Variants in KLHL1 observed in about 807,000 individuals in gnomAD.
KLHL1 encodes kelch like family member 1, also known as kelch-like protein 1.
Under a neutral mutation model 77.7 loss-of-function variants are expected in KLHL1, and 47 were observed. The observed-to-expected ratio is 0.60, with a 90% CI of 0.48 to 0.77. The LOEUF (loss-of-function observed/expected upper bound fraction) is 0.77. Ranked by LOEUF, KLHL1 falls within the 30% of genes least tolerant of loss-of-function variation. The pLI is 0.00. For synonymous variants in KLHL1, 360 were observed against 325.2 expected, an observed-to-expected ratio of 1.11 and a Z score of -1.15; for missense variants, 925 against 910.8, an observed-to-expected ratio of 1.02 and a Z score of -0.20.
intron 4 of KLHL1, among the ~76,000 whole-genome samples, chr13:69,935,276 G>C (rs1883150322): frequency 3.3e-5 from 5 of 151,502 alleles, no homozygotes; most frequent in African/African-American, 1.2e-4. Context: ...TGGTGAACTT[G>C]GTACATAGCA....
chr13:69,768,208 T>C (rs1170975590), intron 7 of KLHL1, among the ~76,000 whole-genome samples: 1 of 152,168 alleles, frequency 6.6e-6, no homozygotes, highest in African/African-American at 2.4e-5. Flanking sequence ...GCAACCATGG[T>C]TTGATAATTT....
chr13:70,054,112 C>T (rs2137395671), intron 1 of KLHL1, among the ~76,000 whole-genome samples: 1 of 152,180 alleles, frequency 6.6e-6, no homozygotes, highest in Admixed American at 6.6e-5. Context: ...AAGAAAAAGC[C>T]AGGGAAGAAA....
chr13:70,106,253 T>G (rs1050566879), intron 1 of KLHL1, among the ~76,000 whole-genome samples: 2 of 152,126 alleles, frequency 1.3e-5, no homozygotes, highest in Admixed American at 1.3e-4. Context: ...ACATTATCAT[T>G]TTCCTATATT....
At chr13:69,750,164 A>C (rs917208371) in intron 7 of KLHL1, among the ~76,000 whole-genome samples, 11 of 151,640 alleles carry the variant, frequency 7.3e-5, no homozygotes, top group Non-Finnish European at 1.3e-4. Flanking sequence ...TATCTAAGTC[A>C]CCAGTGGCTT....
At chr13:70,099,328 TC>T (rs1047965522) in intron 1 of KLHL1, among the ~76,000 whole-genome samples, 1 of 151,722 alleles carries the variant, frequency 6.6e-6, no homozygotes, top group African/African-American at 2.4e-5. Context: ...TATTCATACT[TC>T]CCATTGTTCA....
chr13:69,861,197 T>C (rs1317390775), intron 5 of KLHL1, among the ~76,000 whole-genome samples: 1 of 152,122 alleles, frequency 6.6e-6, no homozygotes, highest in Non-Finnish European at 1.5e-5. Flanking sequence ...AATTACTTCA[T>C]GAACCAATAA....
chr13:69,965,438 T>C (rs1884184988), intron 2 of KLHL1, among the ~76,000 whole-genome samples: 1 of 152,138 alleles, frequency 6.6e-6, no homozygotes, highest in African/African-American at 2.4e-5. Context: ...GTAAGTATAG[T>C]TCTGACTGCT....
At chr13:70,056,253 A>G (rs1472111580) in intron 1 of KLHL1, among the ~76,000 whole-genome samples, 1 of 152,130 alleles carries the variant, frequency 6.6e-6, no homozygotes, top group African/African-American at 2.4e-5. Flanking sequence ...GAAGTTCATT[A>G]TAAATGATGA....
chr13:70,030,625 C>A lies in KLHL1; in HGVS notation c.498-54823G>T, dbSNP rs933965842. Among the ~76,000 whole-genome samples the A allele has an allele frequency of 3.9e-5, 6 of 152,088 alleles. 1 individual carries two copies. Among genetic ancestry groups the A allele is most frequent in the Admixed American group, 1.3e-4 (2 of 15,272 alleles). On this transcript the variant is annotated intron_variant, in intron 1 of 10. Coordinates refer to ENST00000377844, the MANE Select transcript of KLHL1 (RefSeq NM_020866.3). The stretch of plus-strand genomic sequence containing the variant: ...AGAGGGAAATTTATAGCACTAAATG[C>A]CCACAAGAGAAAGCAGGAAAGATCC...
At chr13:69,760,998 CA>C (rs1301744759) in intron 7 of KLHL1, among the ~76,000 whole-genome samples, 1 of 152,078 alleles carries the variant, frequency 6.6e-6, no homozygotes, top group Non-Finnish European at 1.5e-5. Flanking sequence ...GAGCAATGAA[CA>C]AAATGGGCCC....
chr13:69,748,174 C>T (rs975952056), intron 7 of KLHL1, among the ~76,000 whole-genome samples: 1 of 151,890 alleles, frequency 6.6e-6, no homozygotes, highest in African/African-American at 2.4e-5. Flanking sequence ...TCAGAGGTGG[C>T]GACAGAGCAA....
chr13:69,820,167 G>A (rs1388902894), intron 6 of KLHL1, among the ~76,000 whole-genome samples: 1 of 152,098 alleles, frequency 6.6e-6, no homozygotes, highest in Non-Finnish European at 1.5e-5. Context: ...ATCAAACTGT[G>A]TAATTTTATA....
At chr13:69,949,083 T>C (rs978764183) in intron 3 of KLHL1, among the ~76,000 whole-genome samples, 1 of 151,836 alleles carries the variant, frequency 6.6e-6, no homozygotes, top group African/African-American at 2.4e-5. Context: ...ATATGACATA[T>C]AACTGTTTCC....
intron 2 of KLHL1, among the ~76,000 whole-genome samples, chr13:69,967,753 C>T (rs956907245): frequency 2.6e-5 from 4 of 151,898 alleles, no homozygotes; most frequent in African/African-American, 4.8e-5. Flanking sequence ...GGCGTGGTGG[C>T]GCGTGCCTGT....
intron 2 of KLHL1, among the ~76,000 whole-genome samples, chr13:69,971,723 G>A (rs780954841): frequency 1.4e-4 from 22 of 151,884 alleles, no homozygotes; most frequent in Non-Finnish European, 3.1e-4. Flanking sequence ...GCAGTTATTT[G>A]CAACTATAAT....
chr13:69,895,634 C>T (rs138663048), intron 4 of KLHL1, among the ~76,000 whole-genome samples: 11 of 151,690 alleles, frequency 7.3e-5, no homozygotes, highest in Admixed American at 3.3e-4. Flanking sequence ...CTTCAGGTTT[C>T]GCCAAGTGAA....
At chr13:69,780,699 T>TATATATATATATATATATATATATATAC (rs1876107413) in intron 7 of KLHL1, among the ~76,000 whole-genome samples, 1 of 16,494 alleles carries the variant, frequency 6.1e-5, no homozygotes, top group African/African-American at 3.2e-4. Flanking sequence ...TATATATATA[T>TATATATATATATATATATATATATATAC]ATGTATATAT....
chr13:69,723,826 A>G (rs1873171779), intron 8 of KLHL1, among the ~76,000 whole-genome samples: 1 of 146,538 alleles, frequency 6.8e-6, no homozygotes, highest in African/African-American at 2.5e-5. Flanking sequence ...TCTTTCAGCC[A>G]GTTGCCAGTC....
intron 7 of KLHL1, among the ~76,000 whole-genome samples, chr13:69,791,824 CTT>C (rs750627803): frequency 6.6e-6 from 1 of 152,198 alleles, no homozygotes; most frequent in African/African-American, 2.4e-5. Flanking sequence ...AAATCTAAAA[CTT>C]TAAAAAGACA....
Sources: allele counts gnomAD v4.1 joint callset (sites outside exome capture counted in the v4.1 genomes callset), GRCh38; gene constraint gnomAD v4.1.1; transcripts MANE v1.5; gene names NCBI Gene and HGNC (gene_info 2026-07-23, HGNC 2026-07-21).